The following RADIL variants were observed in gnomAD, a reference collection of about 807,000 sequenced individuals.
The protein encoded by RADIL is ras-associating and dilute domain-containing protein.
RADIL carries 99 observed loss-of-function variants against 97.6 expected under a neutral mutation model. The ratio of observed to expected loss-of-function variants is 1.01; its 90% confidence interval spans 0.86 to 1.20. The LOEUF (loss-of-function observed/expected upper bound fraction) is 1.20. Among genes scored for constraint, RADIL ranks in the 50% most tolerant of loss-of-function variants. RADIL has a pLI of 0.00. For missense variants in RADIL, 1,765 were observed against 1,498.9 expected (o/e 1.18, Z -2.93); for synonymous variants, 803 against 691.8 (o/e 1.16, Z -2.52).
In RADIL at chr7:4,816,419, T is replaced by C; in HGVS notation, c.1775A>G (p.Gln592Arg). The change falls in exon 8 of 15, where the codon CAG becomes CGG. Residue 592 changes from glutamine to arginine, a missense_variant. Transcript: ENST00000399583. ...LPALLECPPF[Q>R]TERRESWSSA... Reference sequence around the variant, plus strand: ...GGACCAGCTCTCACGGCGCTCCGTCTGGAATGGCGGGCACTCCAGGAGTGC... The same window carrying C: ...GGACCAGCTCTCACGGCGCTCCGTCCGGAATGGCGGGCACTCCAGGAGTGC... The C allele has an allele frequency of 6.2e-7, 1 of 1,608,974 alleles. No homozygotes were observed. Among genetic ancestry groups the C allele is most frequent in the Non-Finnish European group, 8.5e-7 (1 of 1,178,676 alleles).
chr7:4,863,777 T>G (rs112536921), intron 2 of RADIL, among the ~76,000 whole-genome samples: 11 of 152,350 alleles, frequency 7.2e-5, no homozygotes, highest in African/African-American at 2.6e-4. Context: ...CCAATTGTAT[T>G]TGGAGGGGTC....
At chr7:4,831,318 G>T (rs1235750100) in intron 5 of RADIL, among the ~76,000 whole-genome samples, 1 of 152,006 alleles carries the variant, frequency 6.6e-6, no homozygotes, top group African/African-American at 2.4e-5. Flanking sequence ...ACTTACAAGT[G>T]GGAGCTAAAT....
chr7:4,839,746 T>C (rs144000275), intron 2 of RADIL, among the ~76,000 whole-genome samples: 35 of 152,200 alleles, frequency 2.3e-4, no homozygotes, highest in Non-Finnish European at 3.4e-4. Context: ...TTTAAAAGCT[T>C]TCCTGTTGGT....
chr7:4,807,120 C>T (rs1782335505), intron 9 of RADIL, among the ~76,000 whole-genome samples: 1 of 152,068 alleles, frequency 6.6e-6, no homozygotes, highest in Non-Finnish European at 1.5e-5. Flanking sequence ...CTGCTGGGTC[C>T]CCTCTGTTCT....
At chr7:4,823,781 C>T (rs1398724270) in intron 5 of RADIL, among the ~76,000 whole-genome samples, 1 of 152,220 alleles carries the variant, frequency 6.6e-6, no homozygotes, top group African/African-American at 2.4e-5. Flanking sequence ...CTTCTAGTGT[C>T]CTCAGCAGCC....
chr7:4,875,191 C>CCAACAA (rs145735931), intron 2 of RADIL, among the ~76,000 whole-genome samples: 15 of 110,156 alleles, frequency 1.4e-4, no homozygotes, highest in African/African-American at 4.8e-4. Context: ...GACTCCATCT[C>CCAACAA]CAACAACAAC....
intron 4 of RADIL, among the ~76,000 whole-genome samples, chr7:4,832,828 C>T (rs1051532201): frequency 1.3e-5 from 2 of 151,652 alleles, no homozygotes; most frequent in African/African-American, 2.4e-5. Flanking sequence ...GCTGAGTGCG[C>T]GTAGACTAAG....
chr7:4,801,860 C>T lies in RADIL; in HGVS notation c.2635G>A (p.Ala879Thr), dbSNP rs926162513. The T allele has an allele frequency of 1.2e-5, 19 of 1,593,756 alleles. No individual in the cohort carries two copies. The highest frequency in any genetic ancestry group is 1.5e-5 in the Non-Finnish European group (18 of 1,170,850). Residue 879 changes from alanine (A) to threonine (T), a missense_variant, in exon 12 of 15, where the codon GCC becomes ACC. Ala to Thr is a moderately conservative substitution (Grantham distance 58, BLOSUM62 0). Coordinates refer to ENST00000399583, the MANE Select transcript of RADIL (RefSeq NM_018059.5). The part of the protein sequence containing the change: ...LPLRGAPWAQ[A>T]PPGRQPSRGG... ...CGGCTGGGTTGCCTTCCAGGGGGGG[C>T]CTGTGCCCAGGGAGCCCCCCTCAAG...
intron 2 of RADIL, chr7:4,860,488 C>A (rs1583315317): frequency 6.2e-7 from 1 of 1,614,076 alleles, no homozygotes; most frequent in Non-Finnish European, 8.5e-7. Flanking sequence ...TTAGCCCTAA[C>A]CCAATCACCC....
chr7:4,805,098 AAT>A, intron 10 of RADIL: 1 of 154,188 alleles, frequency 6.5e-6, no homozygotes, highest in African/African-American at 2.4e-5. Context: ...TTGTCTCAAA[AAT>A]AAAAATAAAA....
chr7:4,812,904 A>G (rs1183067196), intron 9 of RADIL, among the ~76,000 whole-genome samples: 2 of 152,164 alleles, frequency 1.3e-5, no homozygotes, highest in Non-Finnish European at 2.9e-5. Context: ...TTTCTAACAT[A>G]TACATATAAG....
rs1274396872 is a variant in RADIL, at chr7:4,815,002, C to T, written c.2139+276G>A. Among the ~76,000 whole-genome samples the T allele has an allele frequency of 1.3e-5, 2 of 152,208 alleles. No individual in the cohort carries two copies. Among genetic ancestry groups the T allele is most frequent in the African/African-American group, 4.8e-5 (2 of 41,440 alleles). ...ATCTCCGAATCTCAAGGTCCTTAAT[C>T]GTAGTCACACGTACAGAGGCTTCTT... On this transcript the variant is annotated intron_variant, in intron 9 of 14. Coordinates refer to ENST00000399583, the MANE Select transcript of RADIL (RefSeq NM_018059.5). This position sits in a 1 kb window ranked among gnomAD's most constrained non-coding sequence, Gnocchi z 8.0.
rs1783643810 is a variant in RADIL, at chr7:4,849,008, T to C, written c.536-12403A>G. On this transcript the variant is annotated intron_variant, in intron 2 of 14. Coordinates refer to ENST00000399583, the MANE Select transcript of RADIL (RefSeq NM_018059.5). The surrounding 1 kb of genome is among the most constrained non-coding windows in gnomAD (Gnocchi z 5.4). ...ACAAAATTAGCCGGGCGTGGTGGCA[T>C]ATGCCTGTAATCCCAGCTACTCGAG... 6.6e-6 allele frequency among the ~76,000 whole-genome samples: 1 copy of C among 151,950 alleles called. No homozygotes were observed. Among genetic ancestry groups the C allele is most frequent in the Non-Finnish European group, 1.5e-5 (1 of 67,984 alleles).
intron 2 of RADIL, chr7:4,861,834 G>GCACGTCCCCCACCATCGCGACCTT: frequency 2.4e-6 from 3 of 1,268,416 alleles, no homozygotes; most frequent in Non-Finnish European, 3.1e-6. Context: ...CCCCGCCAGG[G>GCACGTCCCCCACCATCGCGACCTT]CACGTCCCCC....
intron 1 of RADIL, among the ~76,000 whole-genome samples, chr7:4,881,894 T>A (rs1466715264): frequency 6.6e-6 from 1 of 152,028 alleles, no homozygotes; most frequent in African/African-American, 2.4e-5. Flanking sequence ...AACTGCTAGG[T>A]CTCCTCCCAG....
Position 4,799,232 on chromosome 7 carries a change from G to A in RADIL, c.*146C>T, listed in dbSNP as rs1465188599. Reference sequence around the variant, plus strand: ...AAATAGAACCTACACTGAGATGCATGTTATCAACAGGCATGTCCCCAGGGT... The same window carrying A: ...AAATAGAACCTACACTGAGATGCATATTATCAACAGGCATGTCCCCAGGGT... On this transcript the variant is annotated 3_prime_UTR_variant, in exon 15 of 15. Transcript: ENST00000399583. 3 of 649,130 alleles carry A rather than the reference G, an allele frequency of 4.6e-6. No homozygotes were observed. The highest frequency in any genetic ancestry group is 3.6e-5 in the African/African-American group (2 of 54,996). The allele number at this position is 649,130 out of a possible 1,614,324, so 40.2% of individuals were successfully genotyped here. A position where few individuals can be genotyped will look rare whatever the true frequency, so the allele number is the denominator to read the frequency against.
chr7:4,848,816 C>T (rs1057053664), intron 2 of RADIL, among the ~76,000 whole-genome samples: 3 of 152,060 alleles, frequency 2.0e-5, no homozygotes, highest in African/African-American at 7.2e-5. Flanking sequence ...TTTTTAAAAA[C>T]CAAGACATAG....
At chr7:4,882,636 A>G (rs963345718) in intron 1 of RADIL, among the ~76,000 whole-genome samples, 15 of 152,166 alleles carry the variant, frequency 9.9e-5, no homozygotes, top group African/African-American at 3.6e-4. Context: ...CGAAGCGCAG[A>G]CTTTACACAC....
In RADIL at chr7:4,842,829, C is replaced by A. The variant is rs1042955541; in HGVS notation, c.536-6224G>T. On this transcript the variant is annotated intron_variant, in intron 2 of 14. Transcript: ENST00000399583. This position sits in a 1 kb window ranked among gnomAD's most constrained non-coding sequence, Gnocchi z 4.5. ...AACGTTCCTGGGCTGGGGAACTTTA[C>A]CACTACTGGGGAACCGGAGACCATT... is the stretch of plus-strand genomic sequence containing the variant. Among the ~76,000 whole-genome samples the A allele has an allele frequency of 2.0e-5, 3 of 151,914 alleles. No individual in the cohort carries two copies. The highest frequency in any genetic ancestry group is 4.4e-5 in the Non-Finnish European group (3 of 67,980).
Sources: gnomAD v4.1 joint callset for allele counts (sites outside exome capture counted in the v4.1 genomes callset) on GRCh38, gnomAD v4.1.1 for gene constraint, Gnocchi (gnomAD v3.1) non-coding constraint, MANE v1.5 for transcripts, NCBI Gene and HGNC (gene_info 2026-07-23, HGNC 2026-07-21) for gene names.